KHDRBS3: variants seen among roughly 807,000 people sequenced by gnomAD.
KHDRBS3 encodes KH RNA binding domain containing, signal transduction associated 3.
In KHDRBS3, 23 loss-of-function variants were observed where a neutral mutation model predicts 45.6. The ratio of observed to expected loss-of-function variants is 0.50; its 90% CI spans 0.36 to 0.72. The LOEUF (loss-of-function observed/expected upper bound fraction) is 0.72. Ranked by LOEUF, KHDRBS3 falls within the 30% of genes least tolerant of loss-of-function variation. The pLI, the probability that KHDRBS3 is intolerant of heterozygous loss-of-function variation, is 0.00. For missense variants in KHDRBS3, 352 were observed against 424.8 expected (o/e 0.83, Z 1.51); for synonymous variants, 162 against 156.5 (o/e 1.04, Z -0.26).
At chr8:135,578,964 T>C (rs1828075339) in intron 5 of KHDRBS3, among the ~76,000 whole-genome samples, 1 of 152,178 alleles carries the variant, frequency 6.6e-6, no homozygotes, top group Non-Finnish European at 1.5e-5. Flanking sequence ...TCAGTAAATG[T>C]TTTTTGTTCT....
intron 4 of KHDRBS3, among the ~76,000 whole-genome samples, chr8:135,654,425 A>G (rs888422949): frequency 9.9e-5 from 15 of 152,222 alleles, no homozygotes; most frequent in African/African-American, 2.9e-4. Flanking sequence ...TCTAAATGCT[A>G]CATGTATTCA....
chr8:135,546,490 T>C (rs1477412304), intron 3 of KHDRBS3, among the ~76,000 whole-genome samples: 3 of 152,216 alleles, frequency 2.0e-5, no homozygotes, highest in Non-Finnish European at 4.4e-5. Flanking sequence ...TCTGTTGAGC[T>C]TTCAGCTTGT....
intron 2 of KHDRBS3, among the ~76,000 whole-genome samples, chr8:135,531,114 T>C (rs937455410): frequency 2.6e-5 from 4 of 152,232 alleles, no homozygotes; most frequent in Non-Finnish European, 5.9e-5. Flanking sequence ...ATAGCAAGTA[T>C]GTAAGTTAGC....
downstream of KHDRBS3, among the ~76,000 whole-genome samples, chr8:135,651,329 C>G (rs1831424055): frequency 6.6e-6 from 1 of 150,608 alleles, no homozygotes; most frequent in African/African-American, 2.4e-5. Flanking sequence ...TATAAAATAT[C>G]ATAGTCATGA....
At chr8:135,570,251 T>G (rs1352508388) in intron 5 of KHDRBS3, among the ~76,000 whole-genome samples, 4 of 152,158 alleles carry the variant, frequency 2.6e-5, no homozygotes, top group African/African-American at 9.7e-5. Flanking sequence ...AAATCTTTAT[T>G]TTTAGAGGCG....
intron 1 of KHDRBS3, chr8:135,458,419 T>G: frequency 4.4e-6 from 1 of 227,380 alleles, no homozygotes; most frequent in South Asian, 6.3e-5. Flanking sequence ...AGGGAACAGG[T>G]GCTTGCATTG....
At chr8:135,499,631 C>G (rs16905380) in intron 1 of KHDRBS3, among the ~76,000 whole-genome samples, 16,676 of 152,254 alleles carry the variant, frequency 0.11, 1,016 homozygotes, top group East Asian at 0.18. Context: ...GACACATTAT[C>G]TACAAATCTC....
downstream of KHDRBS3, among the ~76,000 whole-genome samples, chr8:135,652,211 G>A (rs1293491529): frequency 3.9e-5 from 6 of 152,116 alleles, no homozygotes; most frequent in African/African-American, 1.2e-4. Flanking sequence ...TTCTGATTGG[G>A]AAAGGCTACA....
At chr8:135,589,304 C>T (rs983765064) in intron 6 of KHDRBS3, among the ~76,000 whole-genome samples, 10 of 152,114 alleles carry the variant, frequency 6.6e-5, no homozygotes, top group African/African-American at 2.4e-4. Flanking sequence ...GGATATGCTA[C>T]TGCCCTCCAC....
At chr8:135,562,842 A>G (rs904876451) in intron 5 of KHDRBS3, among the ~76,000 whole-genome samples, 6 of 152,200 alleles carry the variant, frequency 3.9e-5, no homozygotes, top group Non-Finnish European at 7.3e-5. Flanking sequence ...AGAAAAACAT[A>G]CTTGTTGGAG....
intron 7 of KHDRBS3, among the ~76,000 whole-genome samples, chr8:135,637,390 A>G (rs1324106042): frequency 6.6e-6 from 1 of 152,198 alleles, no homozygotes; most frequent in African/African-American, 2.4e-5. Context: ...GTCTAGAGCA[A>G]TTACCTGGAT....
chr8:135,536,786 C>T (rs913348825), intron 2 of KHDRBS3, among the ~76,000 whole-genome samples: 2 of 148,792 alleles, frequency 1.3e-5, no homozygotes, highest in Non-Finnish European at 3.0e-5. Context: ...AGGTGAAACC[C>T]CGTCTCTACT....
At position 135,579,637 on chromosome 8, in the gene KHDRBS3, G is replaced by A. The variant is rs191230598; in HGVS notation, c.612-2241G>A. 9.3e-4 allele frequency among the ~76,000 whole-genome samples: 141 copies of A among 152,210 alleles called. 1 individual carries two copies. The highest frequency in any genetic ancestry group is 4.2e-3 in the South Asian group (20 of 4,812). On this transcript the variant is annotated intron_variant, in intron 5 of 8. Transcript: ENST00000355849. Reference sequence around the variant, plus strand: ...CAGGTGTGAGCCACCATTCCTGCCCGATGTTCTTTTTCAACTTGAGGAAAT... The same window carrying A: ...CAGGTGTGAGCCACCATTCCTGCCCAATGTTCTTTTTCAACTTGAGGAAAT...
intron 1 of KHDRBS3, among the ~76,000 whole-genome samples, chr8:135,471,695 G>C (rs1267686954): frequency 3.3e-5 from 5 of 152,110 alleles, no homozygotes; most frequent in Admixed American, 6.5e-5. Context: ...TGGAACTAAT[G>C]CAAGTTCACT....
chr8:135,635,785 A>G (rs550646505), intron 7 of KHDRBS3, among the ~76,000 whole-genome samples: 1 of 152,360 alleles, frequency 6.6e-6, no homozygotes, highest in African/African-American at 2.4e-5. Flanking sequence ...GGTCTGCTGT[A>G]TACTTGGGTT....
At chr8:135,498,876 G>A (rs923833961) in intron 1 of KHDRBS3, among the ~76,000 whole-genome samples, 3 of 152,166 alleles carry the variant, frequency 2.0e-5, no homozygotes, top group African/African-American at 4.8e-5. Flanking sequence ...TGTGGTGAGC[G>A]TCGTGGAAGC....
chr8:135,553,848 G>A (rs1826739195), intron 4 of KHDRBS3, among the ~76,000 whole-genome samples: 3 of 152,126 alleles, frequency 2.0e-5, no homozygotes, highest in African/African-American at 7.2e-5. Context: ...TGGTGTTAAT[G>A]TTGTAATAGT....
At chr8:135,566,484 AGTAGAG>A (rs1203899321) in intron 5 of KHDRBS3, among the ~76,000 whole-genome samples, 2 of 152,344 alleles carry the variant, frequency 1.3e-5, no homozygotes, top group African/African-American at 2.4e-5. Flanking sequence ...AACTAGAAAC[AGTAGAG>A]GATGAAGTAG....
intron 1 of KHDRBS3, among the ~76,000 whole-genome samples, chr8:135,475,263 T>G (rs1822214719): frequency 6.6e-6 from 1 of 152,158 alleles, no homozygotes; most frequent in African/African-American, 2.4e-5. Flanking sequence ...GAGGTATGAC[T>G]GTGTGTGGCA....
Sources: allele counts gnomAD v4.1 joint callset (sites outside exome capture counted in the v4.1 genomes callset), GRCh38; gene constraint gnomAD v4.1.1; transcripts MANE v1.5; gene names NCBI Gene and HGNC (gene_info 2026-07-23, HGNC 2026-07-21).